The following ME3 variants were observed in gnomAD, a reference collection of about 807,000 sequenced individuals.
The protein encoded by ME3 is NADP-dependent malic enzyme, mitochondrial.
A neutral mutation model predicts 68.9 loss-of-function variants in ME3; 48 were observed. The observed-to-expected ratio is 0.70, with a 90% CI of 0.55 to 0.89. The LOEUF (loss-of-function observed/expected upper bound fraction) is 0.89, where lower values mean the gene tolerates loss of function less well. ME3 is among the 40% of genes least tolerant of loss of function. The probability of loss-of-function intolerance (pLI) is 0.00; values close to 1 mark genes in which losing one functional copy is unlikely to be tolerated. For synonymous variants in ME3, 320 were observed against 318.8 expected, an observed-to-expected ratio of 1.00 and a Z score of -0.04; for missense variants, 675 against 797.4, an observed-to-expected ratio of 0.85 and a Z score of 1.85.
chr11:86,448,193 G>A (rs763683765), exon 11 of ME3: 5 of 1,614,022 alleles, frequency 3.1e-6, no homozygotes, highest in South Asian at 2.2e-5. Context: ...CCTCCTCCAG[G>A]GAGTTGACTT....
intron 8 of ME3, chr11:86,457,721 A>T: frequency 7.8e-7 from 1 of 1,287,988 alleles, no homozygotes; most frequent in Non-Finnish European, 1.0e-6. Context: ...ACTTGTGCCC[A>T]TAAATGCCAT....
rs935594861 is a variant in ME3, at chr11:86,602,443, T to G, written c.184-42620A>C. Among the ~76,000 whole-genome samples, 16 of 152,114 alleles carry G rather than the reference T, an allele frequency of 1.1e-4. 1 individual carries two copies. The highest frequency in any genetic ancestry group is 3.4e-3 in the Middle Eastern group (1 of 294). ...AGGAGAACTACAAACCACTGCTCAA[T>G]GAAATAAAAGAGGATACAAACAAAT... is the stretch of plus-strand genomic sequence containing the variant. On this transcript the variant is annotated intron_variant, in intron 2 of 14. Coordinates refer to ENST00000543262, the Ensembl canonical transcript of ME3.
intron 2 of ME3, among the ~76,000 whole-genome samples, chr11:86,598,312 T>C (rs942835734): frequency 1.3e-5 from 2 of 152,194 alleles, no homozygotes; most frequent in Non-Finnish European, 2.9e-5. Context: ...GCACCTGGCT[T>C]GGAGGGTCCT....
At chr11:86,572,684 G>C (rs750954566) in intron 2 of ME3, among the ~76,000 whole-genome samples, 6 of 152,164 alleles carry the variant, frequency 3.9e-5, no homozygotes, top group Non-Finnish European at 5.9e-5. Flanking sequence ...TATCACTGAT[G>C]AGCATTTGGG....
chr11:86,551,189 A>G (rs563023538), intron 4 of ME3, among the ~76,000 whole-genome samples: 1 of 152,256 alleles, frequency 6.6e-6, no homozygotes, highest in South Asian at 2.1e-4. Context: ...TAAGCTTATG[A>G]GGAAGTTTAC....
chr11:86,576,558 T>C (rs967699818), intron 2 of ME3, among the ~76,000 whole-genome samples: 2 of 152,204 alleles, frequency 1.3e-5, no homozygotes, highest in Non-Finnish European at 2.9e-5. Context: ...GCAGATCAGC[T>C]CTTGCACTGT....
intron 2 of ME3, among the ~76,000 whole-genome samples, chr11:86,635,005 G>A (rs78074051): frequency 2.6e-5 from 4 of 152,298 alleles, no homozygotes; most frequent in East Asian, 1.9e-4. Flanking sequence ...ACCAGGCACC[G>A]TTAAAAAATT....
At chr11:86,670,770 T>A (rs907997126) in intron 2 of ME3, among the ~76,000 whole-genome samples, 4 of 152,242 alleles carry the variant, frequency 2.6e-5, no homozygotes, top group Non-Finnish European at 4.4e-5. Context: ...GAAAAAAAAA[T>A]TTATTTTGCA....
chr11:86,443,633 G>A (rs1310332404), intron 13 of ME3, among the ~76,000 whole-genome samples: 1 of 152,210 alleles, frequency 6.6e-6, no homozygotes, highest in African/African-American at 2.4e-5. Context: ...GGCTTCTGGT[G>A]TTAAATTTAG....
At chr11:86,658,152 T>C (rs1422123126) in intron 2 of ME3, among the ~76,000 whole-genome samples, 1 of 149,652 alleles carries the variant, frequency 6.7e-6, no homozygotes, top group African/African-American at 2.5e-5. Context: ...TTTGAGACAA[T>C]CTCATGCTGT....
chr11:86,447,328 T>C, intron 11 of ME3, 121 bp from the exon 12 acceptor site: 1 of 1,337,408 alleles, frequency 7.5e-7, no homozygotes, highest in Non-Finnish European at 1.0e-6. Context: ...GCCCAGCATC[T>C]GCCACAAGGA....
intron 7 of ME3, among the ~76,000 whole-genome samples, chr11:86,474,038 T>C (rs907138272): frequency 4.6e-5 from 7 of 151,898 alleles, no homozygotes; most frequent in African/African-American, 1.7e-4. Context: ...TGGAGGTGAG[T>C]CCATGGTCAC....
chr11:86,465,447 C>T (rs770356008), intron 7 of ME3, among the ~76,000 whole-genome samples: 4 of 152,108 alleles, frequency 2.6e-5, no homozygotes, highest in Non-Finnish European at 5.9e-5. Flanking sequence ...GCCAAGGCAG[C>T]ATCACTATAG....
chr11:86,491,614 C>T (rs1019826938), intron 6 of ME3, among the ~76,000 whole-genome samples: 19 of 152,170 alleles, frequency 1.2e-4, no homozygotes, highest in Admixed American at 5.2e-4. Context: ...GCCCTGTATC[C>T]GCCAACTGAT....
intron 2 of ME3, among the ~76,000 whole-genome samples, chr11:86,663,585 A>G (rs1946414193): frequency 6.6e-6 from 1 of 152,210 alleles, no homozygotes; most frequent in African/African-American, 2.4e-5. Flanking sequence ...ACTGTAATCC[A>G]TGTCTTTGCA....
In ME3 at chr11:86,575,174, C is replaced by T. The variant is rs771613025; in HGVS notation, c.184-15351G>A. ...AAATGTGCTTCTAATAACTGTTGTG[C>T]CAATGCATTAAACAGCCATTGGAGA... On this transcript the variant is annotated intron_variant, in intron 2 of 14. Coordinates refer to ENST00000543262, the Ensembl canonical transcript of ME3. 1.4e-5 allele frequency among the ~76,000 whole-genome samples: 2 copies of T among 147,298 alleles called. 1 individual carries two copies. Among genetic ancestry groups the T allele is most frequent in the Non-Finnish European group, 3.0e-5 (2 of 67,146 alleles).
chr11:86,650,011 G>C lies in ME3; in HGVS notation c.183+21751C>G, dbSNP rs141223645. Among the ~76,000 whole-genome samples, 538 of 152,216 alleles carry C rather than the reference G, an allele frequency of 3.5e-3. 2 individuals carry two copies. The highest frequency in any genetic ancestry group is 0.012 in the African/African-American group (511 of 41,524). On this transcript the variant is annotated intron_variant, in intron 2 of 14. Coordinates refer to ENST00000543262, the Ensembl canonical transcript of ME3. ...GCCTATATAGCCAAGACAATCCTAA[G>C]CAAAAAGAACACAGTTGGAGGCATC...
intron 2 of ME3, among the ~76,000 whole-genome samples, chr11:86,613,380 G>C (rs1222691231): frequency 6.6e-6 from 1 of 152,130 alleles, no homozygotes; most frequent in Non-Finnish European, 1.5e-5. Context: ...ATGGGCAAAA[G>C]TTGGAAGCAT....
chr11:86,476,687 C>T (rs931159426), intron 7 of ME3, among the ~76,000 whole-genome samples: 1 of 152,180 alleles, frequency 6.6e-6, no homozygotes, highest in African/African-American at 2.4e-5. Flanking sequence ...CATGAATCTA[C>T]ACAACACCGT....
Sources: gnomAD v4.1 joint callset for allele counts (sites outside exome capture counted in the v4.1 genomes callset) on GRCh38, gnomAD v4.1.1 for gene constraint, MANE v1.5 for transcripts, NCBI Gene and HGNC (gene_info 2026-07-23, HGNC 2026-07-21) for gene names.